CUX1: variants seen among roughly 807,000 people sequenced by gnomAD.
CUX1 encodes the protein protein CASP.
CUX1 carries 31 observed loss-of-function variants against 158.8 expected under a neutral mutation model. The observed-to-expected ratio is 0.20, with a 90% CI of 0.15 to 0.26. The LOEUF (loss-of-function observed/expected upper bound fraction) is 0.26, where lower values mean the gene tolerates loss of function less well. Ranked by LOEUF, CUX1 falls within the 10% of genes least tolerant of loss-of-function variation. CUX1 has a pLI of 1.00. For missense variants in CUX1, 1,589 were observed against 2,014.6 expected (o/e 0.79, Z 4.04); for synonymous variants, 879 against 862.1 (o/e 1.02, Z -0.34).
At chr7:101,908,088 C>G (rs1802960383) in intron 1 of CUX1, among the ~76,000 whole-genome samples, 1 of 152,154 alleles carries the variant, frequency 6.6e-6, no homozygotes, top group South Asian at 2.1e-4. Context: ...CCTTAATTTC[C>G]CTCCCTGGTA....
chr7:101,839,563 A>G (rs1215586801), intron 1 of CUX1, among the ~76,000 whole-genome samples: 4 of 151,690 alleles, frequency 2.6e-5, no homozygotes, highest in Admixed American at 2.0e-4. Context: ...GTGTTGTGTC[A>G]TTTTCTCTGA....
chr7:102,057,999 C>T (rs1824357920), intron 3 of CUX1, among the ~76,000 whole-genome samples: 1 of 152,146 alleles, frequency 6.6e-6, no homozygotes, highest in Admixed American at 6.5e-5. Context: ...ACAGTCACCC[C>T]AAGCTTCAGT....
intron 1 of CUX1, among the ~76,000 whole-genome samples, chr7:101,914,690 G>C (rs189438857): frequency 5.1e-4 from 77 of 151,896 alleles, no homozygotes; most frequent in Non-Finnish European, 7.5e-4. Flanking sequence ...GTACAGACAG[G>C]GTTTCTCCAT....
At chr7:102,237,100 C>T (rs1248986155) in intron 22 of CUX1, among the ~76,000 whole-genome samples, 1 of 152,200 alleles carries the variant, frequency 6.6e-6, no homozygotes, top group Non-Finnish European at 1.5e-5. Context: ...CAATCCAACT[C>T]CTTTCTCTGG....
rs920486785 is a variant in CUX1 at position 102,039,037 on chromosome 7, G to A, written c.189+10892G>A. 7.9e-5 allele frequency among the ~76,000 whole-genome samples: 12 copies of A among 151,992 alleles called. No homozygotes were observed. The East Asian group carries it at 1.5e-3, about 20-fold the overall frequency. ...GTTAACATATGAAAACAACCCAGCC[G>A]GCCATCAACAGGAAAAAGAATATGA... On this transcript the variant is annotated intron_variant, in intron 3 of 23. Transcript: ENST00000292535.
chr7:102,127,341 G>C (rs1832748215), intron 8 of CUX1, among the ~76,000 whole-genome samples: 1 of 152,066 alleles, frequency 6.6e-6, no homozygotes, highest in Non-Finnish European at 1.5e-5. Flanking sequence ...CGAGTAGCTA[G>C]GACTGCAGGT....
At position 102,251,806 on chromosome 7, in the gene CUX1, ATAG is replaced by A. The variant is rs1801539691; in HGVS notation, c.*2768_*2770del. On this transcript the variant is annotated 3_prime_UTR_variant, in exon 24 of 24. Coordinates refer to ENST00000292535, the MANE Select transcript of CUX1 (RefSeq NM_181552.4). ...AAGAATGAAAAGAAGTTAACAGGAA[ATAG>A]TAGGCTAGGGTTTAGTTTTAAAGGC... 3 of 985,312 alleles carry A rather than the reference ATAG, an allele frequency of 3.0e-6. No homozygotes were observed. The highest frequency in any genetic ancestry group is 1.7e-5 in the African/African-American group (1 of 57,248). 61.0% of individuals were successfully genotyped at this position (985,312 alleles called of 1,614,324 possible). A position where few individuals can be genotyped will look rare whatever the true frequency, so the allele number is the denominator to read the frequency against.
At chr7:102,106,025 G>A (rs2131008148) in intron 6 of CUX1, among the ~76,000 whole-genome samples, 1 of 135,800 alleles carries the variant, frequency 7.4e-6, no homozygotes, top group African/African-American at 2.7e-5. Context: ...GGATTTTGTT[G>A]TTTTATTTTC....
At chr7:102,195,135 AAAGTT>A (rs1554517896) in intron 13 of CUX1, among the ~76,000 whole-genome samples, 1 of 152,020 alleles carries the variant, frequency 6.6e-6, no homozygotes, top group African/African-American at 2.4e-5. Context: ...AAAAAAAAGA[AAAGTT>A]CCCTTTACAG....
At chr7:102,132,255 G>A (rs1188505779) in intron 8 of CUX1, among the ~76,000 whole-genome samples, 1 of 151,494 alleles carries the variant, frequency 6.6e-6, no homozygotes, top group Non-Finnish European at 1.5e-5. Flanking sequence ...GATTTAGACA[G>A]ACTGGCAAAA....
chr7:101,914,160 C>T (rs545943071), intron 1 of CUX1, among the ~76,000 whole-genome samples: 1 of 151,544 alleles, frequency 6.6e-6, no homozygotes, highest in Non-Finnish European at 1.5e-5. Context: ...GACATCTGTT[C>T]TTGAATTCTA....
At chr7:101,959,237 CAGTG>C (rs1489273394) in intron 2 of CUX1, among the ~76,000 whole-genome samples, 2 of 95,918 alleles carry the variant, frequency 2.1e-5, no homozygotes, top group Admixed American at 1.1e-4. Context: ...TATGTGTGTG[CAGTG>C]TGTGTGTGTG....
intron 2 of CUX1, among the ~76,000 whole-genome samples, chr7:101,978,379 C>T (rs1812982841): frequency 6.6e-6 from 1 of 152,128 alleles, no homozygotes; most frequent in South Asian, 2.1e-4. Flanking sequence ...CTAGGTGTGC[C>T]CTGGGGCTCC....
intron 6 of CUX1, among the ~76,000 whole-genome samples, chr7:102,108,564 C>G (rs1457734047): frequency 3.9e-5 from 6 of 152,142 alleles, no homozygotes; most frequent in Admixed American, 3.9e-4. Flanking sequence ...TTTCAAACTC[C>G]TGACTTCAGG....
At position 102,249,638 on chromosome 7, in the gene CUX1, C is replaced by T. The variant is rs1259100909; in HGVS notation, c.*596C>T. ...TATCTGCCATCTAATGGCTTCAGAG[C>T]GATAATACACTATTATCTTCTTAAA... On this transcript the variant is annotated 3_prime_UTR_variant, in exon 24 of 24. Coordinates refer to ENST00000292535, the MANE Select transcript of CUX1 (RefSeq NM_181552.4). 15 of 984,004 alleles carry T rather than the reference C, an allele frequency of 1.5e-5. No homozygotes were observed. Among genetic ancestry groups the T allele is most frequent in the East Asian group, 2.3e-4 (2 of 8,776 alleles). The allele number at this position is 984,004 out of a possible 1,614,324, so 61.0% of individuals were successfully genotyped here.
chr7:102,023,529 G>A (rs989821505), intron 2 of CUX1, among the ~76,000 whole-genome samples: 2 of 152,176 alleles, frequency 1.3e-5, no homozygotes, highest in Non-Finnish European at 2.9e-5. Context: ...GAGTGTAATG[G>A]CATGATCTTG....
At chr7:101,845,817 T>C (rs1795630721) in intron 1 of CUX1, among the ~76,000 whole-genome samples, 1 of 152,094 alleles carries the variant, frequency 6.6e-6, no homozygotes, top group Admixed American at 6.5e-5. Flanking sequence ...AAGACCAGCC[T>C]GGCCAACGTG....
intron 4 of CUX1, among the ~76,000 whole-genome samples, 172 bp from the exon 5 acceptor site, chr7:102,097,192 C>T (rs1426868677): frequency 6.6e-5 from 10 of 152,270 alleles, no homozygotes; most frequent in African/African-American, 2.2e-4. Context: ...CTTTGTAAAG[C>T]ACTGGAGAAT....
At chr7:102,157,903 A>G (rs1554505789) in intron 8 of CUX1, among the ~76,000 whole-genome samples, 1 of 152,214 alleles carries the variant, frequency 6.6e-6, no homozygotes, top group Non-Finnish European at 1.5e-5. Context: ...AGGGAAAGAC[A>G]GAACCTGGAC....
Sources: gnomAD v4.1 joint callset for allele counts (sites outside exome capture counted in the v4.1 genomes callset) on GRCh38, gnomAD v4.1.1 for gene constraint, MANE v1.5 for transcripts, NCBI Gene and HGNC (gene_info 2026-07-23, HGNC 2026-07-21) for gene names.